The following MERTK variants were observed in gnomAD, a reference collection of about 807,000 sequenced individuals.
MERTK encodes tyrosine-protein kinase Mer.
Under a neutral mutation model 99.3 loss-of-function variants are expected in MERTK, and 69 were observed. That is an observed-to-expected ratio of 0.70 (90% CI 0.57 to 0.85). MERTK has a LOEUF of 0.85. Among genes scored for constraint, MERTK ranks in the 40% least tolerant of loss-of-function variants. The probability of loss-of-function intolerance (pLI) is 0.00; values close to 1 mark genes in which losing one functional copy is unlikely to be tolerated. For missense variants in MERTK, 1,125 were observed against 1,249.4 expected (o/e 0.90, Z 1.50); for synonymous variants, 426 against 467.6 (o/e 0.91, Z 1.15).
chr2:111,977,134 A>G (rs1040707602), intron 7 of MERTK, among the ~76,000 whole-genome samples: 2 of 152,152 alleles, frequency 1.3e-5, no homozygotes, highest in African/African-American at 4.8e-5. Flanking sequence ...TTTGGTCTTT[A>G]TATTTTATCT....
At chr2:111,964,584 A>C (rs1219850464) in intron 4 of MERTK, among the ~76,000 whole-genome samples, 2 of 152,226 alleles carry the variant, frequency 1.3e-5, no homozygotes, top group Admixed American at 6.5e-5. Context: ...CCTATTTAAA[A>C]TTAATAAATC....
intron 1 of MERTK, among the ~76,000 whole-genome samples, chr2:111,917,398 T>C (rs567158826): frequency 6.6e-6 from 1 of 152,286 alleles, no homozygotes; most frequent in East Asian, 1.9e-4. Flanking sequence ...TGTTTTGGGT[T>C]GCTTGCCTGG....
chr2:111,910,536 C>T (rs1684224215), intron 1 of MERTK, among the ~76,000 whole-genome samples: 1 of 151,012 alleles, frequency 6.6e-6, no homozygotes, highest in South Asian at 2.1e-4. Context: ...TCCCAAAGTT[C>T]TGGGATTACA....
rs117359730 is a variant in MERTK at position 111,981,295 on chromosome 2, T to C, written c.1145-1547T>C. On this transcript the variant is annotated intron_variant, in intron 7 of 18. Transcript: ENST00000295408. The stretch of plus-strand genomic sequence containing the variant: ...TTATTGTTTTAATTTCTAAAATGGA[T>C]CTATATACTTTTTACAATCTGATTT... 1.8e-4 allele frequency among the ~76,000 whole-genome samples: 28 copies of C among 152,348 alleles called. No individual in the cohort carries two copies. The East Asian group carries it at 5.4e-3, about 29-fold the overall frequency.
chr2:112,018,213 A>G (rs539996395), intron 15 of MERTK, among the ~76,000 whole-genome samples: 54 of 152,326 alleles, frequency 3.5e-4, no homozygotes, highest in African/African-American at 1.2e-3. Context: ...TAATTCTGCT[A>G]TACAATTATT....
At chr2:111,962,755 A>G (rs548317792) in intron 4 of MERTK, among the ~76,000 whole-genome samples, 1 of 152,154 alleles carries the variant, frequency 6.6e-6, no homozygotes, top group Non-Finnish European at 1.5e-5. Flanking sequence ...CCAGGACACC[A>G]CATTGCATTT....
intron 15 of MERTK, among the ~76,000 whole-genome samples, chr2:112,018,089 A>AG (rs1331801731): frequency 6.6e-6 from 1 of 152,244 alleles, no homozygotes; most frequent in African/African-American, 2.4e-5. Context: ...AAGGAGGAGG[A>AG]GAAGAAAGAA....
intron 10 of MERTK, among the ~76,000 whole-genome samples, chr2:111,998,061 T>A (rs964211807): frequency 6.6e-6 from 1 of 152,182 alleles, no homozygotes; most frequent in Non-Finnish European, 1.5e-5. Context: ...CCTCCCTCTT[T>A]CATTGCTCCA....
In MERTK at chr2:111,898,619, C is replaced by G; in HGVS notation, c.-117C>G. 9 of 1,298,222 alleles carry G rather than the reference C, an allele frequency of 6.9e-6. No homozygotes were observed. The highest frequency in any genetic ancestry group is 9.8e-6 in the Non-Finnish European group (9 of 922,326). 80.4% of individuals were successfully genotyped at this position (1,298,222 alleles called of 1,614,324 possible). A position where few individuals can be genotyped will look rare whatever the true frequency, so the allele number is the denominator to read the frequency against. On this transcript the variant is annotated 5_prime_UTR_variant, in exon 1 of 19. Coordinates refer to ENST00000295408, the MANE Select transcript of MERTK (RefSeq NM_006343.3). ...GCTTGGCTCCGCCACTCGGCACTCA[C>G]TGCCCGGGCCGCCCGGACAGGGAGC...
At chr2:111,955,648 A>T (rs1685134153) in intron 4 of MERTK, among the ~76,000 whole-genome samples, 1 of 152,186 alleles carries the variant, frequency 6.6e-6, no homozygotes, top group Non-Finnish European at 1.5e-5. Flanking sequence ...CCTGGTTTTG[A>T]TCATTATACC....
intron 1 of MERTK, among the ~76,000 whole-genome samples, chr2:111,913,849 T>G (rs1305726823): frequency 6.6e-6 from 1 of 152,224 alleles, no homozygotes; most frequent in Non-Finnish European, 1.5e-5. Context: ...GTGCCTAGCC[T>G]TCCTTGGAAT....
At chr2:111,920,050 A>T (rs540655862) in intron 1 of MERTK, among the ~76,000 whole-genome samples, 1 of 152,052 alleles carries the variant, frequency 6.6e-6, no homozygotes, top group African/African-American at 2.4e-5. Flanking sequence ...TGAAATCCCT[A>T]GTGCTGTGGC....
At chr2:112,022,058 A>G (rs1035936186) in intron 17 of MERTK, among the ~76,000 whole-genome samples, 200 bp from the exon 18 acceptor site, 18 of 152,184 alleles carry the variant, frequency 1.2e-4, no homozygotes, top group Admixed American at 3.9e-4. Flanking sequence ...GATTTCCCAG[A>G]ACAGCTTTTG....
chr2:111,998,632 T>G (rs541206649), intron 10 of MERTK, among the ~76,000 whole-genome samples: 2 of 152,214 alleles, frequency 1.3e-5, no homozygotes, highest in Non-Finnish European at 2.9e-5. Flanking sequence ...TGTGCAGAAG[T>G]GGCTGACACC....
At chr2:111,898,861 T>TG in intron 1 of MERTK, 65 bp downstream of exon 1, 1 of 1,500,408 alleles carries the variant, frequency 6.7e-7, no homozygotes, top group Non-Finnish European at 9.0e-7. Flanking sequence ...CAGGGGCCTC[T>TG]GGGGAGGGAG....
At chr2:111,944,534 G>GTTTTTAGGAATTATTC (rs1573589856) in intron 2 of MERTK, among the ~76,000 whole-genome samples, 1 of 23,604 alleles carries the variant, frequency 4.2e-5, no homozygotes, top group Non-Finnish European at 9.5e-5. Flanking sequence ...TAAGGAATTA[G>GTTTTTAGGAATTATTC]CTCACACACA....
chr2:112,017,441 C>A lies in MERTK; in HGVS notation c.2080-1972C>A, dbSNP rs568953733. On this transcript the variant is annotated intron_variant, in intron 15 of 18. Transcript: ENST00000295408. ...TTCAAGGAGTTTGAGACTGGCCTGG[C>A]CAACATGGAGAAACCCCATCTCTAC... is the stretch of plus-strand genomic sequence containing the variant. Among the ~76,000 whole-genome samples the A allele has an allele frequency of 5.9e-5, 9 of 152,206 alleles. No homozygotes were observed. In the East Asian group the frequency reaches 1.7e-3, roughly 29 times the overall value.
rs181989178 is a variant in MERTK at position 111,940,020 on chromosome 2, A to C, written c.483-4940A>C. On this transcript the variant is annotated intron_variant, in intron 2 of 18. Coordinates refer to ENST00000295408, the MANE Select transcript of MERTK (RefSeq NM_006343.3). Reference sequence around the variant, plus strand: ...TTCCCTCTGGGTCTGGGGTCCAGCTATCTTTACTACTATTCTGAGGATCCT... The same window carrying C: ...TTCCCTCTGGGTCTGGGGTCCAGCTCTCTTTACTACTATTCTGAGGATCCT... 5.6e-3 allele frequency among the ~76,000 whole-genome samples: 850 copies of C among 151,792 alleles called. 2 individuals are homozygous for C. The highest frequency in any genetic ancestry group is 8.9e-3 in the Non-Finnish European group (605 of 67,932).
chr2:111,951,135 G>C (rs1685046627), intron 4 of MERTK, among the ~76,000 whole-genome samples: 1 of 151,732 alleles, frequency 6.6e-6, no homozygotes, highest in African/African-American at 2.4e-5. Context: ...GGCGGAGTTC[G>C]GGGGGCGGGG....
Sources: gnomAD v4.1 joint callset for allele counts (sites outside exome capture counted in the v4.1 genomes callset) on GRCh38, gnomAD v4.1.1 for gene constraint, MANE v1.5 for transcripts, NCBI Gene and HGNC (gene_info 2026-07-23, HGNC 2026-07-21) for gene names.